C1orf141: variants seen among roughly 807,000 people sequenced by gnomAD.
C1orf141 encodes the protein chromosome 1 open reading frame 141.
Under a neutral mutation model 23.2 loss-of-function variants are expected in C1orf141, and 19 were observed. The observed-to-expected ratio is 0.82, with a 90% CI of 0.57 to 1.20. The LOEUF (loss-of-function observed/expected upper bound fraction) is 1.20, where lower values mean the gene tolerates loss of function less well. Among genes scored for constraint, C1orf141 ranks in the 50% most tolerant of loss-of-function variants. The pLI, the probability that C1orf141 is intolerant of heterozygous loss-of-function variation, is 0.00. For missense variants in C1orf141, 469 were observed against 455.1 expected, an observed-to-expected ratio of 1.03 and a Z score of -0.28; for synonymous variants, 153 against 154.6, an observed-to-expected ratio of 0.99 and a Z score of 0.08.
chr1:67,120,267 T>G (rs955831781), intron 4 of C1orf141, among the ~76,000 whole-genome samples: 15 of 152,306 alleles, frequency 9.8e-5, no homozygotes, highest in South Asian at 4.2e-4. Flanking sequence ...CCTTCACAGG[T>G]TCACAACTGG....
chr1:67,100,163 C>T (rs1645765519), intron 5 of C1orf141, among the ~76,000 whole-genome samples: 2 of 152,046 alleles, frequency 1.3e-5, no homozygotes, highest in South Asian at 4.2e-4. Flanking sequence ...GATCGTTTTC[C>T]CCTGCCCCCT....
chr1:67,101,447 A>AGTGTGT (rs1427849814), intron 5 of C1orf141, among the ~76,000 whole-genome samples: 1 of 57,992 alleles, frequency 1.7e-5, no homozygotes, highest in East Asian at 7.0e-4. Flanking sequence ...GTTGAATGTA[A>AGTGTGT]GAGTGTGTGT....
chr1:67,137,427 C>A (rs1037983221), upstream of C1orf141, among the ~76,000 whole-genome samples: 1 of 152,122 alleles, frequency 6.6e-6, no homozygotes, highest in African/African-American at 2.4e-5. Flanking sequence ...ATCTGCCACC[C>A]GGGGAAGCTC....
upstream of C1orf141, among the ~76,000 whole-genome samples, chr1:67,137,018 T>G (rs950700206): frequency 3.9e-5 from 6 of 152,182 alleles, no homozygotes. Context: ...TATACAGATT[T>G]CTTAAAATAT....
chr1:67,093,102 C>T lies in C1orf141; in HGVS notation c.1106G>A (p.Cys369Tyr), dbSNP rs1214670642. 9 of 1,613,412 alleles carry T rather than the reference C, an allele frequency of 5.6e-6. No homozygotes were observed. Among genetic ancestry groups the T allele is most frequent in the Non-Finnish European group, 7.6e-6 (9 of 1,179,524 alleles). ...IPTSSALPVKCYSKPFKYIYE... is the reference protein window; with the variant it reads ...IPTSSALPVKYYSKPFKYIYE... ...TATATATTTAAAAGGCTTTGAGTAA[C>T]ATTTGACAGGTAAGGCACTGGATGT... is the stretch of plus-strand genomic sequence containing the variant. The change falls in exon 8 of 8, where the codon TGT becomes TAT. Residue 369 changes from cysteine to tyrosine, a missense_variant. Cys to Tyr is a radical substitution (Grantham distance 194). Around this residue, in one of 3 missense-constraint regions of C1orf141, gnomAD observed 370 missense variants for 348.1 expected, o/e 1.06. Transcript: ENST00000684719.
intron 5 of C1orf141, among the ~76,000 whole-genome samples, chr1:67,103,996 T>A (rs1412063038): frequency 6.6e-6 from 1 of 152,158 alleles, no homozygotes; most frequent in Admixed American, 6.6e-5. Flanking sequence ...AGAACCCATA[T>A]GTTTTTCACA....
chr1:67,103,529 GATTT>G, intron 5 of C1orf141: 1 of 479,088 alleles, frequency 2.1e-6, no homozygotes. Context: ...TTTAAAATGT[GATTT>G]ATTTAATTCT....
chr1:67,098,885 A>T (rs528070288), intron 5 of C1orf141, among the ~76,000 whole-genome samples: 1 of 152,306 alleles, frequency 6.6e-6, no homozygotes, highest in Admixed American at 6.5e-5. Flanking sequence ...ATAAATCTAG[A>T]TTACATGGAC....
chr1:67,103,836 C>T (rs74078986), intron 5 of C1orf141, among the ~76,000 whole-genome samples: 4,473 of 152,096 alleles, frequency 0.029, 207 homozygotes, highest in African/African-American at 0.1. Context: ...TCTGGCTTTT[C>T]CTAAGCTAGA....
At chr1:67,103,783 C>T (rs201977438) in intron 5 of C1orf141, among the ~76,000 whole-genome samples, 1 of 152,100 alleles carries the variant, frequency 6.6e-6, no homozygotes, top group Non-Finnish European at 1.5e-5. Context: ...AGAGTAGGTA[C>T]AGCAGATCAG....
intron 5 of C1orf141, chr1:67,113,703 A>G (rs2144656): frequency 0.88 from 1,119,739 of 1,276,416 alleles, 492,192 homozygotes; most frequent in East Asian, 0.97. Flanking sequence ...ACTAAGTACA[A>G]TGAGAATCCG....
At chr1:67,098,415 G>A (rs1373961713) in intron 5 of C1orf141, among the ~76,000 whole-genome samples, 1 of 152,142 alleles carries the variant, frequency 6.6e-6, no homozygotes, top group East Asian at 1.9e-4. Flanking sequence ...TCAGCTACTT[G>A]GGAGACTAAG....
At chr1:67,109,294 T>C (rs1224866302) in intron 5 of C1orf141, among the ~76,000 whole-genome samples, 1 of 123,254 alleles carries the variant, frequency 8.1e-6, no homozygotes, top group African/African-American at 3.2e-5. Flanking sequence ...GCCACTGCAC[T>C]CCAGCCTGGG....
At chr1:67,135,984 T>A (rs1646582456), upstream of C1orf141, among the ~76,000 whole-genome samples, 1 of 147,314 alleles carries the variant, frequency 6.8e-6, no homozygotes, top group Non-Finnish European at 1.5e-5. Context: ...AGTCAATGCA[T>A]GAAAACACTG....
chr1:67,113,519 C>G, intron 5 of C1orf141: 1 of 279,750 alleles, frequency 3.6e-6, no homozygotes, highest in Non-Finnish European at 6.9e-6. Flanking sequence ...GTGTGTACTA[C>G]CATGCCCGGC....
chr1:67,128,198 T>A (rs995268778), intron 2 of C1orf141, among the ~76,000 whole-genome samples: 2 of 152,020 alleles, frequency 1.3e-5, no homozygotes, highest in Non-Finnish European at 2.9e-5. Flanking sequence ...GCAGTCCATA[T>A]TAAGCTTAGG....
At chr1:67,121,284 A>G (rs1217287503) in intron 4 of C1orf141, among the ~76,000 whole-genome samples, 2 of 152,218 alleles carry the variant, frequency 1.3e-5, no homozygotes, top group Non-Finnish European at 2.9e-5. Flanking sequence ...CATGCTATTC[A>G]AAGCATAATG....
At chr1:67,137,293 G>A (rs1646593804), upstream of C1orf141, among the ~76,000 whole-genome samples, 1 of 152,166 alleles carries the variant, frequency 6.6e-6, no homozygotes, top group African/African-American at 2.4e-5. Flanking sequence ...AACTAGCCAA[G>A]GAAAGAAGTT....
At chr1:67,134,219 G>A (rs897334461) in intron 1 of C1orf141, among the ~76,000 whole-genome samples, 17 of 152,196 alleles carry the variant, frequency 1.1e-4, no homozygotes, top group African/African-American at 4.1e-4. Flanking sequence ...GGCCAGGCTG[G>A]TCTCTAACTC....
Sources: allele counts gnomAD v4.1 joint callset (sites outside exome capture counted in the v4.1 genomes callset), GRCh38; gene constraint gnomAD v4.1.1; regional missense constraint gnomAD v4.1.1; transcripts MANE v1.5; gene names NCBI Gene and HGNC (gene_info 2026-07-23, HGNC 2026-07-21).